Variants in MPPED2 observed in about 807,000 individuals in gnomAD.
The protein encoded by MPPED2 is metallophosphoesterase MPPED2.
MPPED2 carries 5 observed loss-of-function variants against 33.0 expected under a neutral mutation model. That is an observed-to-expected ratio of 0.15 (90% CI 0.08 to 0.32). The LOEUF is 0.32. MPPED2 is among the 10% of genes least tolerant of loss of function. The pLI, the probability that MPPED2 is intolerant of heterozygous loss-of-function variation, is 1.00. For missense variants in MPPED2, 275 were observed against 372.1 expected (o/e 0.74, Z 2.15); for synonymous variants, 136 against 141.9 (o/e 0.96, Z 0.29).
intron 4 of MPPED2, among the ~76,000 whole-genome samples, chr11:30,488,657 G>A (rs1951841914): frequency 6.6e-6 from 1 of 152,230 alleles, no homozygotes. Context: ...TAAACCAGAA[G>A]TGAATCTGAT....
At chr11:30,575,425 A>G (rs190172742) in intron 2 of MPPED2, among the ~76,000 whole-genome samples, 1 of 152,134 alleles carries the variant, frequency 6.6e-6, no homozygotes, top group Non-Finnish European at 1.5e-5. Flanking sequence ...GGGTCATTAA[A>G]CCTATTTTAC....
At chr11:30,499,177 T>C (rs2134232469) in intron 3 of MPPED2, among the ~76,000 whole-genome samples, 1 of 152,266 alleles carries the variant, frequency 6.6e-6, no homozygotes, top group African/African-American at 2.4e-5. Flanking sequence ...TCTAACCACA[T>C]GTGTACAGAA....
chr11:30,484,949 A>G (rs1951652114), intron 4 of MPPED2, among the ~76,000 whole-genome samples: 1 of 152,140 alleles, frequency 6.6e-6, no homozygotes, highest in African/African-American at 2.4e-5. Flanking sequence ...CTTCTCTTCT[A>G]CCATGGTAAT....
chr11:30,407,927 T>C (rs1948015748), downstream of MPPED2, among the ~76,000 whole-genome samples: 1 of 151,956 alleles, frequency 6.6e-6, no homozygotes, highest in Non-Finnish European at 1.5e-5. Context: ...ATATATTTTT[T>C]TAAAAAGGTA....
At chr11:30,425,086 T>C in intron 4 of MPPED2, among the ~76,000 whole-genome samples, 1 of 152,122 alleles carries the variant, frequency 6.6e-6, no homozygotes, top group East Asian at 1.9e-4. Context: ...AGAGATATTG[T>C]TTTGATAAAG....
At chr11:30,512,829 C>T (rs1056993647) in intron 3 of MPPED2, among the ~76,000 whole-genome samples, 1 of 152,082 alleles carries the variant, frequency 6.6e-6, no homozygotes, top group South Asian at 2.1e-4. Context: ...GGTGAAAACT[C>T]GTCTCTACTA....
At chr11:30,579,074 T>G (rs1957051954) in intron 2 of MPPED2, among the ~76,000 whole-genome samples, 1 of 150,042 alleles carries the variant, frequency 6.7e-6, no homozygotes, top group Admixed American at 6.7e-5. Flanking sequence ...TCATCATAGG[T>G]AACTGACTCG....
chr11:30,526,452 A>T (rs1230444286), intron 3 of MPPED2, among the ~76,000 whole-genome samples: 1 of 152,204 alleles, frequency 6.6e-6, no homozygotes, highest in African/African-American at 2.4e-5. Flanking sequence ...TCAAAAACTT[A>T]AAAGTATAGC....
intron 4 of MPPED2, among the ~76,000 whole-genome samples, chr11:30,456,642 AATCCTG>A (rs1251538842): frequency 6.6e-6 from 1 of 152,194 alleles, no homozygotes; most frequent in African/African-American, 2.4e-5. Flanking sequence ...GCAATATTAC[AATCCTG>A]ATATTCTGTA....
intron 4 of MPPED2, among the ~76,000 whole-genome samples, chr11:30,419,250 G>A (rs1948507778): frequency 6.6e-6 from 1 of 152,146 alleles, no homozygotes; most frequent in African/African-American, 2.4e-5. Flanking sequence ...GGAAACTGAG[G>A]CACAGAGAGG....
chr11:30,536,384 T>C (rs758396924), intron 2 of MPPED2, among the ~76,000 whole-genome samples: 12 of 152,172 alleles, frequency 7.9e-5, no homozygotes, highest in Non-Finnish European at 1.5e-4. Flanking sequence ...CAAAAGGACT[T>C]ACTTACCTGG....
intron 2 of MPPED2, among the ~76,000 whole-genome samples, chr11:30,550,654 G>A (rs919456210): frequency 6.6e-6 from 1 of 152,164 alleles, no homozygotes; most frequent in African/African-American, 2.4e-5. Flanking sequence ...TCTCATTCCG[G>A]AGTGAAAGAG....
chr11:30,560,947 A>G (rs192366446), intron 2 of MPPED2, among the ~76,000 whole-genome samples: 2 of 152,326 alleles, frequency 1.3e-5, no homozygotes, highest in East Asian at 1.9e-4. Context: ...GGTTGACCCA[A>G]TATGCTTAAC....
chr11:30,417,802 A>G (rs1948441597), intron 4 of MPPED2, among the ~76,000 whole-genome samples, 169 bp from the exon 5 acceptor site: 2 of 152,148 alleles, frequency 1.3e-5, no homozygotes, highest in African/African-American at 4.8e-5. Flanking sequence ...AAACCAATCC[A>G]TTTGAAAGTA....
At chr11:30,560,686 A>G (rs1016242384) in intron 2 of MPPED2, among the ~76,000 whole-genome samples, 3 of 152,230 alleles carry the variant, frequency 2.0e-5, no homozygotes, top group Admixed American at 6.5e-5. Context: ...CCTGCATCCC[A>G]TAACATTTTA....
chr11:30,520,109 G>A (rs144677273), intron 3 of MPPED2, among the ~76,000 whole-genome samples: 59 of 152,210 alleles, frequency 3.9e-4, no homozygotes, highest in African/African-American at 1.3e-3. Flanking sequence ...AAACGGCAGC[G>A]AGAAGGGAGA....
intron 4 of MPPED2, among the ~76,000 whole-genome samples, chr11:30,451,300 G>A (rs1241637617): frequency 2.6e-5 from 4 of 151,886 alleles, no homozygotes; most frequent in Non-Finnish European, 4.4e-5. Context: ...TGTTACATTC[G>A]AGGATTAGAT....
chr11:30,520,493 CT>C (rs1327995072), intron 3 of MPPED2, among the ~76,000 whole-genome samples: 2 of 152,056 alleles, frequency 1.3e-5, no homozygotes, highest in Non-Finnish European at 2.9e-5. Flanking sequence ...AGAAGACTTC[CT>C]TTTGTTTGCC....
intron 4 of MPPED2, among the ~76,000 whole-genome samples, chr11:30,458,425 A>G (rs1485745944): frequency 6.6e-6 from 1 of 152,250 alleles, no homozygotes; most frequent in Non-Finnish European, 1.5e-5. Context: ...CACAGAGCAG[A>G]ATGCACTTGA....
Sources: allele counts gnomAD v4.1 joint callset (sites outside exome capture counted in the v4.1 genomes callset), GRCh38; gene constraint gnomAD v4.1.1; transcripts MANE v1.5; gene names NCBI Gene and HGNC (gene_info 2026-07-23, HGNC 2026-07-21).